The following CCDC15 variants were observed in gnomAD, a reference collection of about 807,000 sequenced individuals.
The protein encoded by CCDC15 is coiled-coil domain containing 15.
Under a neutral mutation model 114.5 loss-of-function variants are expected in CCDC15, and 105 were observed. The observed-to-expected ratio is 0.92, with a 90% CI of 0.78 to 1.08. CCDC15 has a LOEUF of 1.08. Ranked by LOEUF, CCDC15 falls within the 50% of genes least tolerant of loss-of-function variation. The probability of loss-of-function intolerance (pLI) is 0.00; values close to 1 mark genes in which losing one functional copy is unlikely to be tolerated. For missense variants in CCDC15, 1,105 were observed against 1,093.6 expected (o/e 1.01, Z -0.15); for synonymous variants, 334 against 377.8 (o/e 0.88, Z 1.34).
chr11:124,984,531 T>C (rs1948126295), intron 6 of CCDC15, among the ~76,000 whole-genome samples: 1 of 152,244 alleles, frequency 6.6e-6, no homozygotes, highest in Admixed American at 6.5e-5. Flanking sequence ...CCTTGGGGGA[T>C]GGACAGCCTG....
intron 13 of CCDC15, among the ~76,000 whole-genome samples, chr11:125,011,659 A>G (rs1480178995): frequency 6.6e-6 from 1 of 152,172 alleles, no homozygotes; most frequent in Admixed American, 6.5e-5. Flanking sequence ...ATTTATTTGT[A>G]GTTTATTCGT....
At position 125,008,884 on chromosome 11, in the gene CCDC15, A is replaced by T. The variant is rs559864248; in HGVS notation, c.2411+3672A>T. On this transcript the variant is annotated intron_variant, in intron 13 of 15. Coordinates refer to ENST00000344762, the MANE Select transcript of CCDC15 (RefSeq NM_025004.3). ...TTAGAGCTCAACCCCAGTTGTCTTGACAAACTTCATTGTGCCTACTAACTT... is the reference window on the plus strand; with the variant it reads ...TTAGAGCTCAACCCCAGTTGTCTTGTCAAACTTCATTGTGCCTACTAACTT... 2.0e-5 allele frequency among the ~76,000 whole-genome samples: 3 copies of T among 152,052 alleles called. No homozygotes were observed. In the South Asian group the frequency reaches 6.2e-4, roughly 32 times the overall value.
chr11:124,969,288 G>T lies in CCDC15; in HGVS notation c.517-5808G>T, dbSNP rs140658245. 4.5e-4 allele frequency among the ~76,000 whole-genome samples: 69 copies of T among 152,204 alleles called. No individual in the cohort carries two copies. In the East Asian group the frequency reaches 6.6e-3, roughly 14 times the overall value. On this transcript the variant is annotated intron_variant, in intron 4 of 15. Coordinates refer to ENST00000344762, the MANE Select transcript of CCDC15 (RefSeq NM_025004.3). ...GTCAGTTAAGATTAGTTGCCTAAAG[G>T]TAGGAGCTAGAATTGTAGACTGGAA... is the stretch of plus-strand genomic sequence containing the variant.
chr11:124,963,581 A>G (rs987389297), intron 4 of CCDC15, among the ~76,000 whole-genome samples: 1 of 150,286 alleles, frequency 6.7e-6, no homozygotes, highest in Admixed American at 6.6e-5. Flanking sequence ...ATTTTTTCCC[A>G]TTCTGTAGGT....
chr11:124,995,221 G>A (rs1054681440), intron 11 of CCDC15, among the ~76,000 whole-genome samples: 1 of 151,962 alleles, frequency 6.6e-6, no homozygotes, highest in African/African-American at 2.4e-5. Context: ...CTTATCCTTC[G>A]GGTTTCAGCT....
chr11:125,036,607 C>T (rs923187442), intron 13 of CCDC15, among the ~76,000 whole-genome samples: 1 of 143,624 alleles, frequency 7.0e-6, no homozygotes, highest in Non-Finnish European at 1.6e-5. Flanking sequence ...TTAGATTTGC[C>T]CTTTTGAAGT....
At chr11:124,993,314 C>CA in intron 11 of CCDC15, 71 bp downstream of exon 11, 1 of 1,024,046 alleles carries the variant, frequency 9.8e-7, no homozygotes, top group Non-Finnish European at 1.5e-6. Context: ...GAGTAAGTAA[C>CA]AGAGTGTAAA....
chr11:124,987,076 A>G (rs954978825), intron 7 of CCDC15, 51 bp from the exon 8 acceptor site: 27 of 1,426,664 alleles, frequency 1.9e-5, no homozygotes, highest in Non-Finnish European at 2.2e-5. Context: ...GAAAATCTAG[A>G]GTATTGCTAC....
chr11:124,959,897 T>G lies in CCDC15; in HGVS notation c.410T>G (p.Leu137Trp). The G allele has an allele frequency of 6.3e-7, 1 of 1,592,740 alleles. No homozygotes were observed. Among genetic ancestry groups the G allele is most frequent in the South Asian group, 1.1e-5 (1 of 87,644 alleles). ...SKRTSVFPNN[L>W]NVAIGSSRLP... is the part of the protein sequence containing the mutation. ...AGGACAAGTGTTTTTCCAAACAATT[T>G]GAATGTTGCTATTGGAAGTTCTAGG... Residue 137 changes from leucine (L) to tryptophan (W), a missense_variant, in exon 4 of 16, where the codon TTG becomes TGG. By Grantham distance (61) the Leu-to-Trp change is moderately conservative. Coordinates refer to ENST00000344762, the MANE Select transcript of CCDC15 (RefSeq NM_025004.3).
At chr11:124,999,229 A>T (rs1311676645) in intron 11 of CCDC15, among the ~76,000 whole-genome samples, 3 of 152,084 alleles carry the variant, frequency 2.0e-5, no homozygotes, top group Non-Finnish European at 4.4e-5. Context: ...TTTAATTATG[A>T]TGTGTCTGGG....
intron 11 of CCDC15, among the ~76,000 whole-genome samples, chr11:124,997,210 T>C (rs1036603882): frequency 5.3e-5 from 8 of 152,170 alleles, no homozygotes; most frequent in Non-Finnish European, 1.2e-4. Flanking sequence ...CGAAAAAATG[T>C]GGAAATGGCT....
intron 13 of CCDC15, among the ~76,000 whole-genome samples, chr11:125,016,452 C>T (rs1948630018): frequency 6.6e-6 from 1 of 152,062 alleles, no homozygotes; most frequent in Admixed American, 6.6e-5. Context: ...GCAGAATTCT[C>T]TTTAAATATT....
chr11:124,954,598 A>C, intron 1 of CCDC15, 126 bp from the exon 2 acceptor site: 1 of 689,996 alleles, frequency 1.4e-6, no homozygotes. Flanking sequence ...GTGTGTTTCC[A>C]CTTCATGCCA....
chr11:124,987,309 G>T lies in CCDC15; in HGVS notation c.1083G>T (p.Gln361His). The T allele has an allele frequency of 3.7e-6, 6 of 1,612,780 alleles. No individual in the cohort carries two copies. Among genetic ancestry groups the T allele is most frequent in the Non-Finnish European group, 4.2e-6 (5 of 1,179,446 alleles). ...TGIQSVKPDTQAVEMKVQVTE... is the reference protein window; with the variant it reads ...TGIQSVKPDTHAVEMKVQVTE... Reference sequence around the variant, plus strand: ...TCCAGAGTGTTAAGCCAGATACCCAGGCTGTTGAAATGAAGGTTCAGGTTA... The same window carrying T: ...TCCAGAGTGTTAAGCCAGATACCCATGCTGTTGAAATGAAGGTTCAGGTTA... Residue 361 changes from glutamine to histidine, a missense_variant, in exon 8 of 16, where the codon CAG (glutamine) becomes CAT (histidine). Gln to His is a conservative substitution (Grantham distance 24). Transcript: ENST00000344762.
intron 4 of CCDC15, among the ~76,000 whole-genome samples, chr11:124,965,731 T>G (rs1947765328): frequency 6.6e-6 from 1 of 152,216 alleles, no homozygotes; most frequent in Non-Finnish European, 1.5e-5. Context: ...AATTGTGATG[T>G]TAGGGTGACG....
intron 2 of CCDC15, 128 bp downstream of exon 2, chr11:124,955,037 T>C: frequency 1.2e-6 from 1 of 826,050 alleles, no homozygotes; most frequent in Non-Finnish European, 1.9e-6. Flanking sequence ...AAATAGTTTA[T>C]GCTCTTGCAT....
At chr11:124,959,525 A>G (rs1018504236) in intron 3 of CCDC15, among the ~76,000 whole-genome samples, 12 of 152,182 alleles carry the variant, frequency 7.9e-5, no homozygotes, top group Admixed American at 5.9e-4. Flanking sequence ...TGGCTTTGCT[A>G]CTTCTAGCTA....
At chr11:124,983,431 T>C (rs529994405) in intron 6 of CCDC15, among the ~76,000 whole-genome samples, 1 of 152,248 alleles carries the variant, frequency 6.6e-6, no homozygotes, top group African/African-American at 2.4e-5. Flanking sequence ...CTTCAGTCTT[T>C]GAAGTTGCTA....
chr11:125,016,438 T>A (rs1200623239), intron 13 of CCDC15, among the ~76,000 whole-genome samples: 1 of 152,220 alleles, frequency 6.6e-6, no homozygotes, highest in South Asian at 2.1e-4. Context: ...AGTGTGACTT[T>A]TAAGCAGAAT....
Sources: allele counts gnomAD v4.1 joint callset (sites outside exome capture counted in the v4.1 genomes callset), GRCh38; gene constraint gnomAD v4.1.1; transcripts MANE v1.5; gene names NCBI Gene and HGNC (gene_info 2026-07-23, HGNC 2026-07-21).